The following IGF1R variants were observed in gnomAD, a reference collection of about 807,000 sequenced individuals.
IGF1R encodes the protein insulin like growth factor 1 receptor.
A neutral mutation model predicts 144.6 loss-of-function variants in IGF1R; 44 were observed. The ratio of observed to expected loss-of-function variants is 0.30; its 90% confidence interval spans 0.24 to 0.39. The LOEUF is 0.39. Among genes scored for constraint, IGF1R ranks in the 10% least tolerant of loss-of-function variants. The pLI, the probability that IGF1R is intolerant of heterozygous loss-of-function variation, is 1.00. For synonymous variants in IGF1R, 795 were observed against 722.8 expected, an observed-to-expected ratio of 1.10 and a Z score of -1.60; for missense variants, 1,355 against 1,833.7, an observed-to-expected ratio of 0.74 and a Z score of 4.77.
intron 1 of IGF1R, among the ~76,000 whole-genome samples, chr15:98,661,893 C>G (rs2052607030): frequency 6.6e-6 from 1 of 151,074 alleles, no homozygotes; most frequent in Admixed American, 6.6e-5. Context: ...GGTGGGCTCT[C>G]TCTGGGGCCT....
At position 98,747,349 on chromosome 15, in the gene IGF1R, G is replaced by A. The variant is rs559649454; in HGVS notation, c.640+39242G>A. Among the ~76,000 whole-genome samples the A allele has an allele frequency of 7.2e-5, 11 of 151,958 alleles. 1 individual carries two copies. The highest frequency in any genetic ancestry group is 2.2e-4 in the African/African-American group (9 of 41,420). On this transcript the variant is annotated intron_variant, in intron 2 of 20. Transcript: ENST00000650285. The stretch of plus-strand genomic sequence containing the variant: ...GTACCTGGAATTACAGGCACCCACC[G>A]CCACACCCAGCTAATTTTCTGTATT...
chr15:98,776,845 CT>C (rs1157175618), intron 2 of IGF1R, among the ~76,000 whole-genome samples: 1 of 152,208 alleles, frequency 6.6e-6, no homozygotes, highest in African/African-American at 2.4e-5. Flanking sequence ...CTTGAATGGT[CT>C]TTCCGGAGGG....
intron 2 of IGF1R, chr15:98,890,855 A>G (rs139638596): frequency 1.2e-4 from 27 of 218,356 alleles, no homozygotes; most frequent in African/African-American, 4.5e-4. Context: ...CAAAGTAAGC[A>G]TTTCTGCACA....
chr15:98,659,239 AT>A (rs150761944), intron 1 of IGF1R, among the ~76,000 whole-genome samples: 30 of 150,554 alleles, frequency 2.0e-4, no homozygotes, highest in South Asian at 1.5e-3. Flanking sequence ...AACAGTTGTG[AT>A]TTTTTTTTTC....
chr15:98,700,851 C>G (rs1338550435), intron 1 of IGF1R, among the ~76,000 whole-genome samples: 1 of 152,090 alleles, frequency 6.6e-6, no homozygotes, highest in African/African-American at 2.4e-5. Context: ...TCCTGACCTC[C>G]TCGGAGATAG....
In IGF1R at chr15:98,916,759, A is replaced by T. The variant is rs2015270309; in HGVS notation, c.2084A>T (p.Glu695Val). 5 of 1,614,042 alleles carry T rather than the reference A, an allele frequency of 3.1e-6. No homozygotes were observed. Among genetic ancestry groups the T allele is most frequent in the Non-Finnish European group, 4.2e-6 (5 of 1,179,966 alleles). The change falls in exon 10 of 21, where the codon GAG (glutamate) becomes GTG (valine). Residue 695 changes from glutamate to valine, a missense_variant. Physicochemically the swap from Glu to Val is moderately radical, Grantham distance 121. Transcript: ENST00000650285. ...ENPKTEVCGG[E>V]KGPCCACPKT... ...CCCAAGACTGAGGTGTGTGGTGGGG[A>T]GAAAGGGCCTTGCTGCGCCTGCCCC...
In IGF1R at chr15:98,769,717, G is replaced by A. The variant is rs9282719; in HGVS notation, c.640+61610G>A. Among the ~76,000 whole-genome samples, 1,014 of 152,302 alleles carry A rather than the reference G, an allele frequency of 6.7e-3. 12 individuals are homozygous for A. The highest frequency in any genetic ancestry group is 0.023 in the African/African-American group (948 of 41,556). The stretch of plus-strand genomic sequence containing the variant: ...ATGGAGGGGACTTATCGACAGTTCC[G>A]TTGTACATTGTTGACATGGTTATTT... On this transcript the variant is annotated intron_variant, in intron 2 of 20. Transcript: ENST00000650285.
chr15:98,674,967 G>A (rs911008418), intron 1 of IGF1R, among the ~76,000 whole-genome samples: 5 of 138,486 alleles, frequency 3.6e-5, no homozygotes, highest in African/African-American at 1.4e-4. Flanking sequence ...CTAAATTTAG[G>A]TATTTTACAA....
chr15:98,952,569 G>A (rs568897156), intron 20 of IGF1R, among the ~76,000 whole-genome samples: 97 of 152,294 alleles, frequency 6.4e-4, no homozygotes, highest in Middle Eastern at 3.4e-3. Context: ...TTCTGCTTCT[G>A]TGGTTTAGGG....
At chr15:98,794,197 G>A (rs1001088868) in intron 2 of IGF1R, among the ~76,000 whole-genome samples, 1 of 152,168 alleles carries the variant, frequency 6.6e-6, no homozygotes, top group Non-Finnish European at 1.5e-5. Context: ...ATTTAGAAAC[G>A]CCAGTCTAGA....
rs553790158 is a variant in IGF1R, at chr15:98,961,508, C to G, written c.*4066C>G. ...TCATCTATCCACAGTTCTAGCCTAA[C>G]TTCATGCTGATTTCTCTGCCTCTTG... On this transcript the variant is annotated 3_prime_UTR_variant, in exon 21 of 21. Coordinates refer to ENST00000650285, the MANE Select transcript of IGF1R (RefSeq NM_000875.5). The G allele has an allele frequency of 4.3e-6, 1 of 233,500 alleles. No individual in the cohort carries two copies. Among genetic ancestry groups the G allele is most frequent in the African/African-American group, 2.2e-5 (1 of 45,346 alleles). 14.5% of individuals were successfully genotyped at this position (233,500 alleles called of 1,614,324 possible).
chr15:98,757,637 G>A (rs923673430), intron 2 of IGF1R, among the ~76,000 whole-genome samples: 1 of 152,020 alleles, frequency 6.6e-6, no homozygotes, highest in East Asian at 1.9e-4. Flanking sequence ...TTGAGTTCTT[G>A]GTTTGATTTT....
chr15:98,945,742 G>C (rs1172251553), intron 19 of IGF1R, among the ~76,000 whole-genome samples: 1 of 152,128 alleles, frequency 6.6e-6, no homozygotes, highest in Non-Finnish European at 1.5e-5. Flanking sequence ...ATGTTGAAAT[G>C]GCTCCTGTGG....
chr15:98,910,171 G>A (rs1245571022), intron 6 of IGF1R, among the ~76,000 whole-genome samples: 1 of 152,158 alleles, frequency 6.6e-6, no homozygotes, highest in African/African-American at 2.4e-5. Flanking sequence ...GGGCTGAACA[G>A]CAGGCTGACG....
chr15:98,875,346 TTTC>T (rs894789300), intron 2 of IGF1R, among the ~76,000 whole-genome samples: 9 of 132,964 alleles, frequency 6.8e-5, no homozygotes, highest in Admixed American at 2.6e-4. Flanking sequence ...TTTCTTTTCT[TTTC>T]TTTTTTTTTT....
At chr15:98,802,432 G>A (rs1254971400) in intron 2 of IGF1R, among the ~76,000 whole-genome samples, 1 of 152,218 alleles carries the variant, frequency 6.6e-6, no homozygotes, top group Non-Finnish European at 1.5e-5. Flanking sequence ...TAGTTTTACA[G>A]CTGACCAGGG....
intron 20 of IGF1R, among the ~76,000 whole-genome samples, chr15:98,950,800 T>C (rs1250761286): frequency 2.0e-5 from 3 of 152,202 alleles, no homozygotes; most frequent in Non-Finnish European, 4.4e-5. Context: ...GGGGATTATA[T>C]GGGATATTTA....
rs765988181 is a variant in IGF1R, at chr15:98,934,982, G to A, written c.3115G>A (p.Ala1039Thr). 9 of 1,614,114 alleles carry A rather than the reference G, an allele frequency of 5.6e-6. No individual in the cohort carries two copies. Among genetic ancestry groups the A allele is most frequent in the South Asian group, 2.2e-5 (2 of 91,066 alleles). Reference sequence around the variant, plus strand: ...GGCCATTAAAACAGTGAACGAGGCCGCAAGCATGCGTGAGAGGATTGAGTT... The same window carrying A: ...GGCCATTAAAACAGTGAACGAGGCCACAAGCATGCGTGAGAGGATTGAGTT... ...RVAIKTVNEA[A>T]SMRERIEFLN... is the part of the protein sequence containing the mutation. Residue 1039 changes from alanine to threonine, a missense_variant, in exon 16 of 21, where the codon GCA (alanine) becomes ACA (threonine). Ala to Thr is a moderately conservative substitution (Grantham distance 58, BLOSUM62 0). This residue lies in a region of IGF1R where 880 missense variants were observed against 1,202.7 expected (regional missense o/e 0.73). Transcript: ENST00000650285.
At chr15:98,794,087 G>T (rs1057446019) in intron 2 of IGF1R, among the ~76,000 whole-genome samples, 1 of 152,212 alleles carries the variant, frequency 6.6e-6, no homozygotes, top group Non-Finnish European at 1.5e-5. Flanking sequence ...ACAAATGGCA[G>T]TGTCCTCTGC....
Sources: gnomAD v4.1 joint callset for allele counts (sites outside exome capture counted in the v4.1 genomes callset) on GRCh38, gnomAD v4.1.1 for gene constraint, gnomAD v4.1.1 regional missense constraint, MANE v1.5 for transcripts, NCBI Gene and HGNC (gene_info 2026-07-23, HGNC 2026-07-21) for gene names.